The following EDEM1 variants were observed in gnomAD, a reference collection of about 807,000 sequenced individuals.
EDEM1 encodes ER degradation enhancing alpha-mannosidase like protein 1.
Under a neutral mutation model 74.4 loss-of-function variants are expected in EDEM1, and 67 were observed. The observed-to-expected ratio is 0.90, with a 90% CI of 0.74 to 1.10. EDEM1 has a LOEUF of 1.10. Ranked by LOEUF, EDEM1 falls within the 50% of genes least tolerant of loss-of-function variation. EDEM1 has a pLI of 0.00. For synonymous variants in EDEM1, 382 were observed against 335.9 expected, an observed-to-expected ratio of 1.14 and a Z score of -1.50; for missense variants, 926 against 851.6, an observed-to-expected ratio of 1.09 and a Z score of -1.09.
chr3:5,196,964 C>G (rs1446995647), intron 2 of EDEM1, among the ~76,000 whole-genome samples: 1 of 147,770 alleles, frequency 6.8e-6, no homozygotes, highest in Non-Finnish European at 1.5e-5. Context: ...GAGTCTCGCT[C>G]TGCCGCCAGG....
rs977541148 is a variant in EDEM1, at chr3:5,199,693, A to G, written c.684A>G (p.Ile228Met). 1 of 1,606,664 alleles carries G rather than the reference A, an allele frequency of 6.2e-7. No homozygotes were observed. Among genetic ancestry groups the G allele is most frequent in the South Asian group, 1.1e-5 (1 of 89,772 alleles). The change falls in exon 3 of 12, where the codon ATA (isoleucine) becomes ATG (methionine). Residue 228 changes from isoleucine to methionine, a missense_variant and splice_region_variant. Physicochemically the swap from Ile to Met is conservative, Grantham distance 10. Transcript: ENST00000256497. Reference protein sequence around the residue: ...DSTVQVFEATIRVLGSLLSAH... With the variant: ...DSTVQVFEATMRVLGSLLSAH... ...CCGTCCAAGTCTTTGAGGCCACGAT[A>G]AGGTAAAATAATGAATATTCATAAA...
chr3:5,210,241 AAAGTC>A lies in EDEM1; in HGVS notation c.1583_1583+4del, dbSNP rs1280317782. The A allele has an allele frequency of 6.2e-7, 1 of 1,614,138 alleles. No individual in the cohort carries two copies. Among genetic ancestry groups the A allele is most frequent in the Non-Finnish European group, 8.5e-7 (1 of 1,179,944 alleles). The stretch of plus-strand genomic sequence containing the variant: ...TCTGCAGAGTCTGGAAAAGTACACA[AAAGTC>A]AAGTCAGTTTTCTAAGTTCCTACCT... On this transcript the variant is annotated frameshift_variant and splice_region_variant, in exon 9 of 12. Coordinates refer to ENST00000256497, the MANE Select transcript of EDEM1 (RefSeq NM_014674.3). LOFTEE classifies it high-confidence loss of function.
chr3:5,189,985 C>A (rs889306943), intron 1 of EDEM1, among the ~76,000 whole-genome samples: 2 of 69,880 alleles, frequency 2.9e-5, no homozygotes, highest in Admixed American at 4.1e-4. Context: ...TATTTTCTTT[C>A]TTAGTTTTTT....
At chr3:5,215,296 G>T (rs571735004) in intron 11 of EDEM1, among the ~76,000 whole-genome samples, 74 of 149,662 alleles carry the variant, frequency 4.9e-4, no homozygotes, top group African/African-American at 1.8e-3. Flanking sequence ...AGTGGTGGGG[G>T]TGGGGGGGTT....
At chr3:5,208,307 CT>C (rs1172266125) in intron 8 of EDEM1, 44 bp downstream of exon 8, 1 of 1,583,920 alleles carries the variant, frequency 6.3e-7, no homozygotes, top group African/African-American at 1.4e-5. Context: ...ACTGCCTCCC[CT>C]GACCCCAGCA....
Position 5,208,159 on chromosome 3 carries a change from T to C in EDEM1, c.1405T>C (p.Tyr469His), listed in dbSNP as rs1339850093. Residue 469 changes from tyrosine to histidine, a missense_variant, in exon 8 of 12, where the codon TAT becomes CAT. Physicochemically the swap from Tyr to His is moderately conservative, Grantham distance 83. Coordinates refer to ENST00000256497, the MANE Select transcript of EDEM1 (RefSeq NM_014674.3). ...CTTCTACTATGCCATATGGAAACGA[T>C]ATGGTGCCCTCCCTGAGAGATATAA... is the stretch of plus-strand genomic sequence containing the variant. ...HAFYYAIWKR[Y>H]GALPERYNWQ... 1.2e-6 allele frequency: 2 copies of C among 1,613,088 alleles called. No homozygotes were observed.
Position 5,217,353 on chromosome 3 carries a change from A to G in EDEM1, c.*1435A>G, listed in dbSNP as rs140070650. ...GTCATGGGTGGAAACGCATTCTAGT[A>G]AAAAAGGTAGGAAATCCCTAAAACT... On this transcript the variant is annotated 3_prime_UTR_variant, in exon 12 of 12. Coordinates refer to ENST00000256497, the MANE Select transcript of EDEM1 (RefSeq NM_014674.3). The G allele has an allele frequency of 1.7e-3, 255 of 152,766 alleles. 1 individual carries two copies. The highest frequency in any genetic ancestry group is 3.4e-3 in the Middle Eastern group (1 of 294). The allele number at this position is 152,766 out of a possible 1,614,324, so 9.5% of individuals were successfully genotyped here.
At chr3:5,209,876 G>A (rs985217922) in intron 8 of EDEM1, among the ~76,000 whole-genome samples, 1 of 152,190 alleles carries the variant, frequency 6.6e-6, no homozygotes, top group Non-Finnish European at 1.5e-5. Context: ...TGCTGTCAGC[G>A]TGGGCATTGT....
chr3:5,189,861 A>C (rs1026731823), intron 1 of EDEM1, among the ~76,000 whole-genome samples: 1 of 152,246 alleles, frequency 6.6e-6, no homozygotes, highest in East Asian at 1.9e-4. Context: ...GGCCTCCCAA[A>C]GTGCTGGGAT....
chr3:5,201,073 A>T (rs2055029280), intron 3 of EDEM1, among the ~76,000 whole-genome samples: 1 of 150,976 alleles, frequency 6.6e-6, no homozygotes, highest in Admixed American at 6.6e-5. Context: ...CTGTTTTTTT[A>T]TGAGTGTTTT....
intron 10 of EDEM1, among the ~76,000 whole-genome samples, chr3:5,211,649 A>AGT (rs1271824682): frequency 2.7e-4 from 35 of 127,376 alleles, no homozygotes; most frequent in African/African-American, 9.4e-4. Flanking sequence ...CACATGAGTG[A>AGT]GTGAGTGTGT....
intron 2 of EDEM1, among the ~76,000 whole-genome samples, chr3:5,196,101 T>C (rs1396169752): frequency 6.6e-6 from 1 of 152,272 alleles, no homozygotes; most frequent in Non-Finnish European, 1.5e-5. Flanking sequence ...CCAAATGTTG[T>C]ACTTTTATTT....
intron 2 of EDEM1, among the ~76,000 whole-genome samples, chr3:5,196,769 G>T (rs1300741681): frequency 6.6e-6 from 1 of 152,108 alleles, no homozygotes; most frequent in Admixed American, 6.5e-5. Context: ...GCCCAGACAA[G>T]TATGTTCGAC....
rs768457710 is a variant in EDEM1, at chr3:5,219,644, T to C, written c.*3726T>C. The C allele has an allele frequency of 5.9e-5, 9 of 152,610 alleles. No individual in the cohort carries two copies. The highest frequency in any genetic ancestry group is 8.8e-5 in the Non-Finnish European group (6 of 68,034). 9.5% of individuals were successfully genotyped at this position (152,610 alleles called of 1,614,324 possible). A position where few individuals can be genotyped will look rare whatever the true frequency, so the allele number is the denominator to read the frequency against. Reference sequence around the variant, plus strand: ...AAGGTTATTTTGTTTTAGTTTTAAATAGCAAAACACAAGCTGCATTTTTAT... The same window carrying C: ...AAGGTTATTTTGTTTTAGTTTTAAACAGCAAAACACAAGCTGCATTTTTAT... On this transcript the variant is annotated 3_prime_UTR_variant, in exon 12 of 12. Coordinates refer to ENST00000256497, the MANE Select transcript of EDEM1 (RefSeq NM_014674.3).
chr3:5,195,294 C>T lies in EDEM1; in HGVS notation c.582+13C>T. ...GGATACACTTGCAGTAAGTGTTCAC[C>T]TTTTTTTAAAAAAATGAATTAAGAT... On this transcript the variant is annotated intron_variant, in intron 2 of 11. Transcript: ENST00000256497. 6.6e-7 allele frequency: 1 copy of T among 1,509,834 alleles called. No homozygotes were observed. The highest frequency in any genetic ancestry group is 8.9e-7 in the Non-Finnish European group (1 of 1,120,724). 93.5% of individuals were successfully genotyped at this position (1,509,834 alleles called of 1,614,324 possible).
intron 3 of EDEM1, 88 bp downstream of exon 3, chr3:5,199,783 A>C: frequency 1.8e-6 from 2 of 1,092,902 alleles, no homozygotes; most frequent in Non-Finnish European, 2.6e-6. Flanking sequence ...TTTTTGCCAC[A>C]TGATCCAGGC....
intron 10 of EDEM1, among the ~76,000 whole-genome samples, chr3:5,211,999 G>A (rs1167770781): frequency 6.6e-6 from 1 of 152,146 alleles, no homozygotes; most frequent in Non-Finnish European, 1.5e-5. Flanking sequence ...CTGAGAACTT[G>A]GGCAGAGGGT....
intron 2 of EDEM1, among the ~76,000 whole-genome samples, chr3:5,199,142 C>T (rs2055005475): frequency 6.6e-6 from 1 of 152,232 alleles, no homozygotes; most frequent in African/African-American, 2.4e-5. Context: ...CAGTTTTCCA[C>T]ATGTTTTGGT....
intron 3 of EDEM1, among the ~76,000 whole-genome samples, chr3:5,200,568 C>G (rs1211417431): frequency 6.6e-6 from 1 of 152,050 alleles, no homozygotes; most frequent in Non-Finnish European, 1.5e-5. Context: ...CTGTTTACAT[C>G]TTTTGAAAAT....
Sources: allele counts gnomAD v4.1 joint callset (sites outside exome capture counted in the v4.1 genomes callset), GRCh38; gene constraint gnomAD v4.1.1; transcripts MANE v1.5; gene names NCBI Gene and HGNC (gene_info 2026-07-23, HGNC 2026-07-21).